The following PPP2R2A variants were observed in gnomAD, a reference collection of about 807,000 sequenced individuals.
The protein encoded by PPP2R2A is protein phosphatase 2 regulatory subunit Balpha.
Under a neutral mutation model 53.2 loss-of-function variants are expected in PPP2R2A, and 9 were observed. The ratio of observed to expected loss-of-function variants is 0.17; its 90% confidence interval spans 0.10 to 0.30. The LOEUF (loss-of-function observed/expected upper bound fraction) is 0.30, where lower values mean the gene tolerates loss of function less well. Ranked by LOEUF, PPP2R2A falls within the 10% of genes least tolerant of loss-of-function variation. The pLI is 1.00. For synonymous variants in PPP2R2A, 169 were observed against 174.2 expected (o/e 0.97, Z 0.23); for missense variants, 235 against 534.6 (o/e 0.44, Z 5.53).
At chr8:26,325,259 G>C (rs1013239309) in intron 2 of PPP2R2A, among the ~76,000 whole-genome samples, 2 of 151,866 alleles carry the variant, frequency 1.3e-5, no homozygotes, top group Non-Finnish European at 2.9e-5. Flanking sequence ...GAATCATGGG[G>C]GCTGGTCTTT....
At chr8:26,312,968 GTCC>G (rs1454831699) in intron 2 of PPP2R2A, among the ~76,000 whole-genome samples, 1 of 151,740 alleles carries the variant, frequency 6.6e-6, no homozygotes, top group Admixed American at 6.6e-5. Context: ...TCTCTCACCT[GTCC>G]TCATCTTGAT....
chr8:26,363,842 C>T lies in PPP2R2A; in HGVS notation c.924C>T (p.Val308=). The T allele has an allele frequency of 1.2e-6, 2 of 1,602,644 alleles. No homozygotes were observed. Among genetic ancestry groups the T allele is most frequent in the Non-Finnish European group, 1.7e-6 (2 of 1,172,390 alleles). The change falls in exon 8 of 10, where the codon GTC becomes GTT. Residue 308 remains valine (V), a synonymous_variant. Coordinates refer to ENST00000380737, the MANE Select transcript of PPP2R2A (RefSeq NM_002717.4). Reference sequence around the variant, plus strand: ...TGATGACTAGAGACTATTTGTCAGTCAAAATTTGGGACTTAAATATGGAAA... The same window carrying T: ...TGATGACTAGAGACTATTTGTCAGTTAAAATTTGGGACTTAAATATGGAAA... The part of the protein sequence containing the change: ...RYMMTRDYLS[V]KIWDLNMENR...
rs977589021 is a variant in PPP2R2A, at chr8:26,371,803, C to T, written c.*1390C>T. ...TGTATATGAATACATTTTCCCTAAGCGGTGATACATTATCCAAAGATGAAG... is the reference window on the plus strand; with the variant it reads ...TGTATATGAATACATTTTCCCTAAGTGGTGATACATTATCCAAAGATGAAG... On this transcript the variant is annotated 3_prime_UTR_variant, in exon 10 of 10. Transcript: ENST00000380737. The T allele has an allele frequency of 3.3e-5, 5 of 152,134 alleles. No homozygotes were observed. Among genetic ancestry groups the T allele is most frequent in the Admixed American group, 6.6e-5 (1 of 15,264 alleles). The allele number at this position is 152,134 out of a possible 1,614,324, so 9.4% of individuals were successfully genotyped here.
At chr8:26,294,340 A>T (rs952354444) in intron 2 of PPP2R2A, among the ~76,000 whole-genome samples, 1 of 152,204 alleles carries the variant, frequency 6.6e-6, no homozygotes, top group Admixed American at 6.5e-5. Context: ...GGAATCGTAT[A>T]TTCTTGTGCA....
chr8:26,370,736 C>T lies in PPP2R2A; in HGVS notation c.*323C>T, dbSNP rs866322647. On this transcript the variant is annotated 3_prime_UTR_variant, in exon 10 of 10. Coordinates refer to ENST00000380737, the MANE Select transcript of PPP2R2A (RefSeq NM_002717.4). The surrounding 1 kb of genome is among the most constrained non-coding windows in gnomAD (Gnocchi z 6.1). ...CTTTTTATGCCTTCCATTGTGATGACGTCAAACACAGTGAAAGCCTTCAGT... is the reference window on the plus strand; with the variant it reads ...CTTTTTATGCCTTCCATTGTGATGATGTCAAACACAGTGAAAGCCTTCAGT... 1.9e-5 allele frequency: 6 copies of T among 322,116 alleles called. No homozygotes were observed. The highest frequency in any genetic ancestry group is 6.3e-5 in the African/African-American group (3 of 47,594). The allele number at this position is 322,116 out of a possible 1,614,324, so 20.0% of individuals were successfully genotyped here. A position where few individuals can be genotyped will look rare whatever the true frequency, so the allele number is the denominator to read the frequency against.
chr8:26,360,251 T>C lies in PPP2R2A; in HGVS notation c.429T>C (p.Tyr143=), dbSNP rs527460006. The C allele has an allele frequency of 3.7e-6, 6 of 1,606,988 alleles. No individual in the cohort carries two copies. In the South Asian group the frequency reaches 5.5e-5, roughly 15 times the overall value. ...ACTTGAAAGAGGAGGATGGAAGGTA[T>C]AGAGATCCTACTACAGTTACTACAC... The part of the protein sequence containing the change: ...GYNLKEEDGR[Y]RDPTTVTTLR... The change falls in exon 5 of 10, where the codon TAT becomes TAC. Residue 143 remains tyrosine, a synonymous_variant. Coordinates refer to ENST00000380737, the MANE Select transcript of PPP2R2A (RefSeq NM_002717.4). The surrounding 1 kb of genome is among the most constrained non-coding windows in gnomAD (Gnocchi z 4.5).
chr8:26,321,296 GAGAAATGTGACC>G lies in PPP2R2A; in HGVS notation c.83-17590_83-17579del, dbSNP rs1802827473. 1.1e-5 allele frequency among the ~76,000 whole-genome samples: 1 copy of G among 91,686 alleles called. No individual in the cohort carries two copies. The highest frequency in any genetic ancestry group is 3.1e-5 in the Non-Finnish European group (1 of 31,974). 60.1% of individuals were successfully genotyped at this position (91,686 alleles called of 152,430 possible). A position where few individuals can be genotyped will look rare whatever the true frequency, so the allele number is the denominator to read the frequency against. ...TTGAAAACTAAATGGCTCTTACCAAGAGAAATGTGACCAGAGAAATGTGACCTGAGAGAGAAG... is the reference window on the plus strand; with the variant it reads ...TTGAAAACTAAATGGCTCTTACCAAGAGAGAAATGTGACCTGAGAGAGAAG... On this transcript the variant is annotated intron_variant, in intron 2 of 9. Coordinates refer to ENST00000380737, the MANE Select transcript of PPP2R2A (RefSeq NM_002717.4). This position sits in a 1 kb window ranked among gnomAD's most constrained non-coding sequence, Gnocchi z 4.1.
At chr8:26,312,012 T>A (rs144192112) in intron 2 of PPP2R2A, among the ~76,000 whole-genome samples, 276 of 147,510 alleles carry the variant, frequency 1.9e-3, no homozygotes, top group African/African-American at 6.4e-3. Flanking sequence ...ACGTTGTAAA[T>A]AGCATATTTT....
At chr8:26,369,035 G>T (rs1805531220) in intron 9 of PPP2R2A, among the ~76,000 whole-genome samples, 1 of 150,686 alleles carries the variant, frequency 6.6e-6, no homozygotes, top group Non-Finnish European at 1.5e-5. Context: ...ATGAACCCAG[G>T]AGGCAGAGCT....
chr8:26,370,298 T>C lies in PPP2R2A; in HGVS notation c.1229T>C (p.Val410Ala). 1 of 1,614,168 alleles carries C rather than the reference T, an allele frequency of 6.2e-7. No individual in the cohort carries two copies. The change falls in exon 10 of 10, where the codon GTT becomes GCT. Residue 410 changes from valine to alanine, a missense_variant. Around this residue, in one of 3 missense-constraint regions of PPP2R2A, gnomAD observed 181 missense variants for 409.9 expected, o/e 0.44. Coordinates refer to ENST00000380737, the MANE Select transcript of PPP2R2A (RefSeq NM_002717.4). The surrounding 1 kb of genome is among the most constrained non-coding windows in gnomAD (Gnocchi z 6.1). ...AAGCGAAAGAAAGATGAAATAAGTG[T>C]TGACAGCCTAGACTTCAATAAGAAA... The part of the protein sequence containing the change: ...SGKRKKDEIS[V>A]DSLDFNKKIL...
chr8:26,291,555 TGCCGCCGCC>T lies in PPP2R2A; in HGVS notation c.-260_-252del, dbSNP rs951566394. On this transcript the variant is annotated 5_prime_UTR_variant, in exon 1 of 10. Coordinates refer to ENST00000380737, the MANE Select transcript of PPP2R2A (RefSeq NM_002717.4). ...AAGTGGAGTCGCCTGCCCCTGCCGC[TGCCGCCGCC>T]GCCGTCGCTGTCGTAGTCGCCGCCG... 2.0e-6 allele frequency: 1 copy of T among 501,858 alleles called. No individual in the cohort carries two copies. Among genetic ancestry groups the T allele is most frequent in the African/African-American group, 2.1e-5 (1 of 48,360 alleles). The allele number at this position is 501,858 out of a possible 1,614,324, so 31.1% of individuals were successfully genotyped here. A position where few individuals can be genotyped will look rare whatever the true frequency, so the allele number is the denominator to read the frequency against.
In PPP2R2A at chr8:26,351,759, T is replaced by C. The variant is rs188545169; in HGVS notation, c.181-2709T>C. Among the ~76,000 whole-genome samples the C allele has an allele frequency of 3.9e-5, 6 of 152,336 alleles. No individual in the cohort carries two copies. In the East Asian group the frequency reaches 1.2e-3, roughly 29 times the overall value. On this transcript the variant is annotated intron_variant, in intron 3 of 9. Coordinates refer to ENST00000380737, the MANE Select transcript of PPP2R2A (RefSeq NM_002717.4). Reference sequence around the variant, plus strand: ...AGGCCTGTTTCTGGGCCATCTGTTCTGTTTCATTGGCACATTGGTGTATCC... The same window carrying C: ...AGGCCTGTTTCTGGGCCATCTGTTCCGTTTCATTGGCACATTGGTGTATCC...
chr8:26,333,601 T>G, intron 2 of PPP2R2A: 3 of 1,004,890 alleles, frequency 3.0e-6, no homozygotes, highest in Non-Finnish European at 3.8e-6. Flanking sequence ...CTACTAATAA[T>G]TTAGTCTTTT....
chr8:26,356,332 G>T (rs1234456411), intron 4 of PPP2R2A, among the ~76,000 whole-genome samples: 4 of 152,122 alleles, frequency 2.6e-5, no homozygotes, highest in Admixed American at 2.6e-4. Flanking sequence ...CGCCTCCTGG[G>T]TGCCCGTTTT....
chr8:26,295,098 C>T (rs1456413175), intron 2 of PPP2R2A, among the ~76,000 whole-genome samples: 1 of 152,174 alleles, frequency 6.6e-6, no homozygotes, highest in Non-Finnish European at 1.5e-5. Context: ...ATCATTAGTT[C>T]TGTGCAGTTG....
Position 26,370,511 on chromosome 8 carries a change from C to T in PPP2R2A, c.*98C>T. ...AAAGAGAGAGGTCCATTGTGGCGCC[C>T]CTTTCCAGTGTTTGACAGTGTGCCA... On this transcript the variant is annotated 3_prime_UTR_variant, in exon 10 of 10. Transcript: ENST00000380737. This position sits in a 1 kb window ranked among gnomAD's most constrained non-coding sequence, Gnocchi z 6.1. 1 of 1,379,724 alleles carries T rather than the reference C, an allele frequency of 7.2e-7. No individual in the cohort carries two copies. Among genetic ancestry groups the T allele is most frequent in the Non-Finnish European group, 1.0e-6 (1 of 1,003,052 alleles). The allele number at this position is 1,379,724 out of a possible 1,614,324, so 85.5% of individuals were successfully genotyped here. A position where few individuals can be genotyped will look rare whatever the true frequency, so the allele number is the denominator to read the frequency against.
chr8:26,359,953 C>CA (rs909900652), intron 4 of PPP2R2A, among the ~76,000 whole-genome samples: 82 of 152,110 alleles, frequency 5.4e-4, no homozygotes, highest in African/African-American at 2.0e-3. Flanking sequence ...ATTTGACTAT[C>CA]ACATGGAATT....
rs1162941259 is a variant in PPP2R2A at position 26,291,802 on chromosome 8, C to T, written c.-18C>T. 4.4e-6 allele frequency: 7 copies of T among 1,603,910 alleles called. No individual in the cohort carries two copies. In the African/African-American group the frequency reaches 5.4e-5, roughly 12 times the overall value. On this transcript the variant is annotated 5_prime_UTR_variant, in exon 1 of 10. Coordinates refer to ENST00000380737, the MANE Select transcript of PPP2R2A (RefSeq NM_002717.4). ...GAGACCCCGAGGAACCCAGCAGGGT[C>T]ACCATTTGCAGCGCAACATGGCAGG...
At chr8:26,331,398 A>G (rs1803370512) in intron 2 of PPP2R2A, among the ~76,000 whole-genome samples, 1 of 152,210 alleles carries the variant, frequency 6.6e-6, no homozygotes, top group South Asian at 2.1e-4. Flanking sequence ...CAGATTTTTA[A>G]TTTTGATTTT....
Sources: allele counts gnomAD v4.1 joint callset (sites outside exome capture counted in the v4.1 genomes callset), GRCh38; gene constraint gnomAD v4.1.1; regional missense constraint gnomAD v4.1.1; non-coding constraint Gnocchi (gnomAD v3.1); transcripts MANE v1.5; gene names NCBI Gene and HGNC (gene_info 2026-07-23, HGNC 2026-07-21).